Variants in GM2A observed in about 807,000 individuals in gnomAD.
The protein encoded by GM2A is GM2 ganglioside activator.
Under a neutral mutation model 12.9 loss-of-function variants are expected in GM2A, and 7 were observed. That is an observed-to-expected ratio of 0.54 (90% CI 0.31 to 1.02). The LOEUF is 1.02. GM2A is among the 50% of genes least tolerant of loss of function. The pLI is 0.05. For synonymous variants in GM2A, 101 were observed against 96.0 expected, an observed-to-expected ratio of 1.05 and a Z score of -0.30; for missense variants, 246 against 241.0, an observed-to-expected ratio of 1.02 and a Z score of -0.14.
chr5:151,265,666 A>C (rs1753870766), intron 2 of GM2A, among the ~76,000 whole-genome samples: 1 of 152,198 alleles, frequency 6.6e-6, no homozygotes, highest in African/African-American at 2.4e-5. Context: ...CGTGCCCGGC[A>C]CAACTGGGAT....
intron 1 of GM2A, among the ~76,000 whole-genome samples, chr5:151,258,718 G>A (rs1753739683): frequency 1.3e-5 from 2 of 152,252 alleles, no homozygotes; most frequent in Middle Eastern, 3.4e-3. Context: ...CCAAAATTGG[G>A]CAGAGAGAAT....
chr5:151,264,695 C>T (rs113650402), intron 2 of GM2A, among the ~76,000 whole-genome samples: 42 of 152,160 alleles, frequency 2.8e-4, no homozygotes, highest in African/African-American at 8.7e-4. Context: ...GAAGATGAGG[C>T]GAGGCTGGAT....
chr5:151,256,376 A>G (rs375664318), intron 1 of GM2A, among the ~76,000 whole-genome samples: 1 of 152,086 alleles, frequency 6.6e-6, no homozygotes, highest in African/African-American at 2.4e-5. Flanking sequence ...AGGCAGGCAA[A>G]TCACTTGAGG....
chr5:151,255,124 A>C (rs1003728581), intron 1 of GM2A, among the ~76,000 whole-genome samples: 3 of 152,150 alleles, frequency 2.0e-5, no homozygotes, highest in Non-Finnish European at 4.4e-5. Flanking sequence ...CAACATGGTG[A>C]AGCCCCATCT....
intron 1 of GM2A, among the ~76,000 whole-genome samples, chr5:151,253,763 T>G (rs902148657): frequency 1.3e-5 from 2 of 152,100 alleles, no homozygotes; most frequent in Non-Finnish European, 2.9e-5. Context: ...GATTTGCCCA[T>G]CTGGTGACAA....
chr5:151,265,914 A>G (rs1383798068), intron 2 of GM2A, among the ~76,000 whole-genome samples: 1 of 152,186 alleles, frequency 6.6e-6, no homozygotes, highest in Non-Finnish European at 1.5e-5. Context: ...TGATCTTTCT[A>G]TACATTCCTA....
intron 1 of GM2A, among the ~76,000 whole-genome samples, chr5:151,256,620 A>AG (rs1297130375): frequency 6.6e-6 from 1 of 151,578 alleles, no homozygotes; most frequent in African/African-American, 2.4e-5. Context: ...AAAAAAAAAA[A>AG]AAAAGAAAAG....
Position 151,266,875 on chromosome 5 carries a change from C to A in GM2A, c.388C>A (p.Arg130Ser). 6.2e-7 allele frequency: 1 copy of A among 1,613,704 alleles called. No homozygotes were observed. The highest frequency in any genetic ancestry group is 1.1e-5 in the South Asian group (1 of 91,078). The stretch of plus-strand genomic sequence containing the variant: ...TGGGGAGCCCTGCCCAGAGCCCCTG[C>A]GTACCTATGGGCTTCCTTGCCACTG... ...PTGEPCPEPLRTYGLPCHCPF... is the reference protein window; with the variant it reads ...PTGEPCPEPLSTYGLPCHCPF... The change falls in exon 3 of 4, where the codon CGT becomes AGT. Residue 130 changes from arginine to serine, a missense_variant. Physicochemically the swap from Arg to Ser is moderately radical, Grantham distance 110. Coordinates refer to ENST00000357164, the MANE Select transcript of GM2A (RefSeq NM_000405.5).
intron 2 of GM2A, among the ~76,000 whole-genome samples, chr5:151,263,422 CT>C (rs1177574517): frequency 6.6e-6 from 1 of 151,862 alleles, no homozygotes; most frequent in Non-Finnish European, 1.5e-5. Flanking sequence ...TGGTTCAGTT[CT>C]TTTTTCAGGA....
At chr5:151,265,398 C>A (rs926174411) in intron 2 of GM2A, among the ~76,000 whole-genome samples, 1 of 152,192 alleles carries the variant, frequency 6.6e-6, no homozygotes, top group African/African-American at 2.4e-5. Context: ...AGGATTTAAT[C>A]TCTTAGAAAC....
intron 1 of GM2A, among the ~76,000 whole-genome samples, chr5:151,254,598 A>G (rs150824805): frequency 3.9e-5 from 6 of 152,316 alleles, no homozygotes; most frequent in Admixed American, 2.0e-4. Flanking sequence ...ACTTTCCATG[A>G]GGTTATGTTC....
intron 2 of GM2A, among the ~76,000 whole-genome samples, chr5:151,263,089 CTTTTT>C (rs869289721): frequency 8.4e-6 from 1 of 119,558 alleles, no homozygotes; most frequent in Non-Finnish European, 1.7e-5. Flanking sequence ...TCCCCAATTT[CTTTTT>C]TTTTTTTTTT....
intron 3 of GM2A, 32 bp downstream of exon 3, chr5:151,266,945 C>T: frequency 2.6e-6 from 4 of 1,545,872 alleles, no homozygotes; most frequent in South Asian, 1.1e-5. Context: ...AGCGTTACCC[C>T]TGTGGCTAAA....
At chr5:151,266,131 G>T (rs1468765396) in intron 2 of GM2A, among the ~76,000 whole-genome samples, 1 of 152,204 alleles carries the variant, frequency 6.6e-6, no homozygotes, top group Non-Finnish European at 1.5e-5. Context: ...GATGACAAGT[G>T]CATTTCAATG....
chr5:151,267,773 T>A lies in GM2A; in HGVS notation c.*322T>A, dbSNP rs1753922859. 4.1e-6 allele frequency: 5 copies of A among 1,234,266 alleles called. No individual in the cohort carries two copies. Among genetic ancestry groups the A allele is most frequent in the Non-Finnish European group, 5.1e-6 (5 of 971,576 alleles). 76.5% of individuals were successfully genotyped at this position (1,234,266 alleles called of 1,614,324 possible). A position where few individuals can be genotyped will look rare whatever the true frequency, so the allele number is the denominator to read the frequency against. The stretch of plus-strand genomic sequence containing the variant: ...CAGTTAAGGAATGGGAACCAGAGTG[T>A]TTTAGGACCTGAAGAATCTTTATGA... On this transcript the variant is annotated 3_prime_UTR_variant, in exon 4 of 4. Transcript: ENST00000357164.
chr5:151,263,127 C>G (rs1370887496), intron 2 of GM2A, among the ~76,000 whole-genome samples: 1 of 127,504 alleles, frequency 7.8e-6, no homozygotes, highest in East Asian at 2.4e-4. Flanking sequence ...GAGTTTCACT[C>G]TGTTGCCTAG....
rs575778235 is a variant in GM2A, at chr5:151,253,589, C to A, written c.81+292C>A. On this transcript the variant is annotated intron_variant, in intron 1 of 3. Coordinates refer to ENST00000357164, the MANE Select transcript of GM2A (RefSeq NM_000405.5). ...AGACAGCCTTAAAACTAAGGCATTG[C>A]CCCCAGAGATTCAGTCCTGTTAACC... 7.2e-5 allele frequency among the ~76,000 whole-genome samples: 11 copies of A among 152,124 alleles called. No individual in the cohort carries two copies. The South Asian group carries it at 2.3e-3, about 32-fold the overall frequency.
intron 2 of GM2A, among the ~76,000 whole-genome samples, chr5:151,261,583 C>T (rs1399195832): frequency 6.6e-6 from 1 of 152,174 alleles, no homozygotes; most frequent in East Asian, 1.9e-4. Flanking sequence ...GGATTACAGG[C>T]ACCTGCCATT....
chr5:151,262,490 A>C (rs530450750), intron 2 of GM2A, among the ~76,000 whole-genome samples: 1 of 152,348 alleles, frequency 6.6e-6, no homozygotes, highest in Non-Finnish European at 1.5e-5. Flanking sequence ...TACATTTTAT[A>C]TCTTGTGAAC....
Sources: allele counts gnomAD v4.1 joint callset (sites outside exome capture counted in the v4.1 genomes callset), GRCh38; gene constraint gnomAD v4.1.1; transcripts MANE v1.5; gene names NCBI Gene and HGNC (gene_info 2026-07-23, HGNC 2026-07-21).